Variants in DYNC1I1 observed in about 807,000 individuals in gnomAD.
The protein encoded by DYNC1I1 is dynein cytoplasmic 1 intermediate chain 1, also known as cytoplasmic dynein 1 intermediate chain 1.
DYNC1I1 carries 43 observed loss-of-function variants against 86.6 expected under a neutral mutation model. The ratio of observed to expected loss-of-function variants is 0.50; its 90% confidence interval spans 0.39 to 0.64. The LOEUF (loss-of-function observed/expected upper bound fraction) is 0.64, where lower values mean the gene tolerates loss of function less well. DYNC1I1 is among the 30% of genes least tolerant of loss of function. The probability of loss-of-function intolerance (pLI) is 0.00; values close to 1 mark genes in which losing one functional copy is unlikely to be tolerated. For synonymous variants in DYNC1I1, 262 were observed against 283.7 expected (o/e 0.92, Z 0.77); for missense variants, 604 against 788.8 (o/e 0.77, Z 2.81).
chr7:95,847,767 A>G (rs753563844), intron 5 of DYNC1I1, among the ~76,000 whole-genome samples: 1 of 152,158 alleles, frequency 6.6e-6, no homozygotes, highest in Non-Finnish European at 1.5e-5. Flanking sequence ...AGATCTTTGT[A>G]TATGCCAGGA....
chr7:95,923,307 A>G (rs960609446), intron 6 of DYNC1I1, among the ~76,000 whole-genome samples: 1 of 152,170 alleles, frequency 6.6e-6, no homozygotes, highest in South Asian at 2.1e-4. Context: ...TGAAAACCCA[A>G]TGACCATTAG....
In DYNC1I1 at chr7:95,931,913, C is replaced by G. The variant is rs183784112; in HGVS notation, c.491-45599C>G. Among the ~76,000 whole-genome samples, 375 of 152,318 alleles carry G rather than the reference C, an allele frequency of 2.5e-3. 1 individual carries two copies. Among genetic ancestry groups the G allele is most frequent in the African/African-American group, 8.7e-3 (361 of 41,562 alleles). On this transcript the variant is annotated intron_variant, in intron 6 of 16. Coordinates refer to ENST00000447467, the MANE Select transcript of DYNC1I1 (RefSeq NM_001135556.2). ...TAATCATAATGACTTGTCAGTCTAA[C>G]TTGCTGCCAGCGTCTTAATTTCCAA...
intron 16 of DYNC1I1, among the ~76,000 whole-genome samples, chr7:96,085,887 CA>C (rs1790664969): frequency 6.7e-6 from 1 of 148,986 alleles, no homozygotes; most frequent in East Asian, 2.1e-4. Flanking sequence ...GATAATAAGT[CA>C]AAAATTAACT....
intron 6 of DYNC1I1, among the ~76,000 whole-genome samples, chr7:95,954,639 G>T (rs1634039): frequency 0.66 from 100,316 of 151,430 alleles, 34,579 homozygotes; most frequent in East Asian, 0.89. Flanking sequence ...AATGGGCCGG[G>T]CATGGTGGCT....
intron 16 of DYNC1I1, among the ~76,000 whole-genome samples, chr7:96,090,454 C>G (rs967433631): frequency 6.6e-6 from 1 of 151,768 alleles, no homozygotes; most frequent in African/African-American, 2.4e-5. Flanking sequence ...ATTTACTTGA[C>G]TTTTATGTCC....
At chr7:96,073,598 T>C (rs979384391) in intron 14 of DYNC1I1, among the ~76,000 whole-genome samples, 1 of 152,152 alleles carries the variant, frequency 6.6e-6, no homozygotes, top group African/African-American at 2.4e-5. Context: ...TCTGTATGAG[T>C]CTATCTGTAT....
At chr7:95,891,368 G>A (rs372228683) in intron 6 of DYNC1I1, among the ~76,000 whole-genome samples, 1 of 152,190 alleles carries the variant, frequency 6.6e-6, no homozygotes, top group African/African-American at 2.4e-5. Context: ...ACGGTTTTGC[G>A]TTTGGTCTAA....
chr7:96,076,224 C>A (rs750740090), intron 15 of DYNC1I1, 27 bp downstream of exon 15: 1 of 1,611,892 alleles, frequency 6.2e-7, no homozygotes. Context: ...GCGCCCGGGC[C>A]GGAGGGCTGG....
At chr7:96,039,207 G>T in intron 13 of DYNC1I1, 70 bp from the exon 14 acceptor site, 9 of 1,523,658 alleles carry the variant, frequency 5.9e-6, no homozygotes, top group Admixed American at 2.3e-5. Context: ...TTTTTGTTTT[G>T]TTTTGTTTTT....
At chr7:95,820,700 G>T (rs773393096) in intron 4 of DYNC1I1, among the ~76,000 whole-genome samples, 1 of 152,196 alleles carries the variant, frequency 6.6e-6, no homozygotes, top group Non-Finnish European at 1.5e-5. Context: ...TGGCTGGACC[G>T]CTTTTGTTTT....
At chr7:96,065,828 CTG>C (rs1331658099) in intron 14 of DYNC1I1, among the ~76,000 whole-genome samples, 1 of 152,208 alleles carries the variant, frequency 6.6e-6, no homozygotes, top group Non-Finnish European at 1.5e-5. Context: ...CTCAAATGCA[CTG>C]TGTTTAAAAT....
In DYNC1I1 at chr7:96,005,484, C is replaced by T. The variant is rs558578158; in HGVS notation, c.969+9411C>T. Among the ~76,000 whole-genome samples the T allele has an allele frequency of 5.9e-5, 9 of 152,232 alleles. No individual in the cohort carries two copies. In the East Asian group the frequency reaches 1.5e-3, roughly 26 times the overall value. On this transcript the variant is annotated intron_variant, in intron 10 of 16. Transcript: ENST00000447467. ...ATGTTGCATATTGCGTTATCTGACA[C>T]GAGACGTATAGTAGTTCCCCCAGGA...
chr7:95,774,041 A>G (rs1335351165), intron 1 of DYNC1I1, among the ~76,000 whole-genome samples: 1 of 152,220 alleles, frequency 6.6e-6, no homozygotes, highest in African/African-American at 2.4e-5. Context: ...TCTTTTGATC[A>G]TATTTCTCAA....
chr7:95,997,420 A>G (rs1332132937), intron 10 of DYNC1I1, among the ~76,000 whole-genome samples: 4 of 152,160 alleles, frequency 2.6e-5, no homozygotes, highest in African/African-American at 7.2e-5. Context: ...TTGATTTTAA[A>G]AATCCAACAA....
At chr7:96,087,728 C>T (rs528637647) in intron 16 of DYNC1I1, among the ~76,000 whole-genome samples, 1 of 152,258 alleles carries the variant, frequency 6.6e-6, no homozygotes, top group Non-Finnish European at 1.5e-5. Flanking sequence ...AACAAAGCAT[C>T]AAGCTTTTCA....
intron 16 of DYNC1I1, among the ~76,000 whole-genome samples, chr7:96,084,496 A>G (rs1438409193): frequency 2.1e-5 from 3 of 146,128 alleles, no homozygotes; most frequent in South Asian, 4.3e-4. Flanking sequence ...CTGGAGTGCA[A>G]TGGCACACTT....
At chr7:96,108,152 T>C (rs1445294913) in intron 16 of DYNC1I1, among the ~76,000 whole-genome samples, 1 of 152,158 alleles carries the variant, frequency 6.6e-6, no homozygotes, top group East Asian at 1.9e-4. Context: ...TACAAAAAAA[T>C]GAATGTTGAA....
At chr7:95,928,428 A>T (rs140706203) in intron 6 of DYNC1I1, among the ~76,000 whole-genome samples, 1 of 152,332 alleles carries the variant, frequency 6.6e-6, no homozygotes, top group East Asian at 1.9e-4. Context: ...CCTGAAGAGG[A>T]AATCAGCCCC....
chr7:95,847,801 A>T (rs762857080), intron 5 of DYNC1I1, among the ~76,000 whole-genome samples: 15 of 152,238 alleles, frequency 9.9e-5, no homozygotes, highest in Non-Finnish European at 1.9e-4. Flanking sequence ...TATTGTCCCC[A>T]TTCCTTTCCA....
Sources: allele counts gnomAD v4.1 joint callset (sites outside exome capture counted in the v4.1 genomes callset), GRCh38; gene constraint gnomAD v4.1.1; transcripts MANE v1.5; gene names NCBI Gene and HGNC (gene_info 2026-07-23, HGNC 2026-07-21).